GRM3: variants seen among roughly 807,000 people sequenced by gnomAD.
The protein encoded by GRM3 is metabotropic glutamate receptor 3.
In GRM3, 26 loss-of-function variants were observed where a neutral mutation model predicts 70.5. The ratio of observed to expected loss-of-function variants is 0.37; its 90% CI spans 0.27 to 0.51. The LOEUF is 0.51. GRM3 is among the 20% of genes least tolerant of loss of function. GRM3 has a pLI of 0.93. For missense variants in GRM3, 859 were observed against 1,123.8 expected (o/e 0.76, Z 3.37); for synonymous variants, 443 against 434.9 (o/e 1.02, Z -0.23).
chr7:86,771,432 T>A (rs1796737627), intron 2 of GRM3, among the ~76,000 whole-genome samples: 1 of 152,094 alleles, frequency 6.6e-6, no homozygotes, highest in African/African-American at 2.4e-5. Flanking sequence ...ATGCCATGAA[T>A]TAAGCATCTT....
chr7:86,835,328 C>T (rs1798435084), intron 3 of GRM3, among the ~76,000 whole-genome samples: 1 of 152,020 alleles, frequency 6.6e-6, no homozygotes, highest in Admixed American at 6.6e-5. Context: ...AATCCTAACT[C>T]ATACTTTAAA....
At chr7:86,685,100 A>G (rs964848352) in intron 1 of GRM3, among the ~76,000 whole-genome samples, 5 of 152,188 alleles carry the variant, frequency 3.3e-5, no homozygotes, top group Admixed American at 3.3e-4. Context: ...AAATATCTCA[A>G]TATCCTCATA....
At chr7:86,762,433 A>G (rs1280715993) in intron 1 of GRM3, among the ~76,000 whole-genome samples, 1 of 152,070 alleles carries the variant, frequency 6.6e-6, no homozygotes, top group Non-Finnish European at 1.5e-5. Context: ...GTAAGCAGAA[A>G]TCTGTGTTTT....
intron 1 of GRM3, among the ~76,000 whole-genome samples, chr7:86,663,470 CTG>C (rs1342926301): frequency 6.6e-6 from 1 of 151,906 alleles, no homozygotes; most frequent in Non-Finnish European, 1.5e-5. Context: ...TTGGAGGTAA[CTG>C]AGAAAACGGG....
At chr7:86,710,007 G>A (rs1012017530) in intron 1 of GRM3, 2 of 152,004 alleles carry the variant, frequency 1.3e-5, no homozygotes, top group Non-Finnish European at 2.9e-5. Flanking sequence ...ATTAAAAAAT[G>A]GAGCTAGCAT....
intron 1 of GRM3, among the ~76,000 whole-genome samples, chr7:86,725,418 G>A (rs1795568725): frequency 6.6e-6 from 1 of 152,104 alleles, no homozygotes. Flanking sequence ...CTTTTGATGT[G>A]ATACCTCAAG....
At chr7:86,771,725 TGA>T (rs1241694848) in intron 2 of GRM3, among the ~76,000 whole-genome samples, 1 of 152,008 alleles carries the variant, frequency 6.6e-6, no homozygotes, top group Non-Finnish European at 1.5e-5. Context: ...GTGTAGAATC[TGA>T]GTATCAATTG....
intron 3 of GRM3, among the ~76,000 whole-genome samples, chr7:86,836,498 A>G (rs901818274): frequency 6.6e-5 from 10 of 152,232 alleles, no homozygotes; most frequent in African/African-American, 2.4e-4. Context: ...TATACATTAC[A>G]AAACAATAGC....
chr7:86,843,577 TTAAATTGTG>T (rs1352126489), intron 4 of GRM3, among the ~76,000 whole-genome samples: 1 of 152,204 alleles, frequency 6.6e-6, no homozygotes, highest in Non-Finnish European at 1.5e-5. Context: ...AATACATAGC[TTAAATTGTG>T]TAAATAAAAA....
chr7:86,662,635 C>T (rs557196141), intron 1 of GRM3, among the ~76,000 whole-genome samples: 5 of 151,930 alleles, frequency 3.3e-5, no homozygotes, highest in South Asian at 2.1e-4. Context: ...TGTCAGTCAT[C>T]GGCTCAAACA....
intron 3 of GRM3, among the ~76,000 whole-genome samples, chr7:86,818,856 C>A (rs887113411): frequency 1.3e-5 from 2 of 152,098 alleles, no homozygotes; most frequent in African/African-American, 4.8e-5. Flanking sequence ...TCCAACAATG[C>A]CACACGATGT....
At chr7:86,776,648 C>A (rs1018782636) in intron 2 of GRM3, among the ~76,000 whole-genome samples, 3 of 152,100 alleles carry the variant, frequency 2.0e-5, no homozygotes, top group Non-Finnish European at 4.4e-5. Context: ...GGCCATATTT[C>A]TCATATTATT....
chr7:86,753,171 G>A (rs943058827), intron 1 of GRM3, among the ~76,000 whole-genome samples: 11 of 152,138 alleles, frequency 7.2e-5, no homozygotes, highest in Admixed American at 2.0e-4. Context: ...GGATCATTTG[G>A]AGAGTCCAGA....
rs548783664 is a variant in GRM3, at chr7:86,649,018, T to C, written c.-141+4146T>C. Among the ~76,000 whole-genome samples the C allele has an allele frequency of 2.8e-4, 42 of 152,282 alleles. No homozygotes were observed. In the South Asian group the frequency reaches 8.3e-3, roughly 30 times the overall value. On this transcript the variant is annotated intron_variant, in intron 1 of 5. Transcript: ENST00000361669. Reference sequence around the variant, plus strand: ...TCTAAAAACACCATTTAGTGCTATCTTACTGCTTGTTAAGCATTCGACGGT... The same window carrying C: ...TCTAAAAACACCATTTAGTGCTATCCTACTGCTTGTTAAGCATTCGACGGT...
intron 1 of GRM3, among the ~76,000 whole-genome samples, chr7:86,734,520 C>A (rs979990850): frequency 6.6e-5 from 10 of 152,216 alleles, no homozygotes; most frequent in Non-Finnish European, 1.5e-4. Flanking sequence ...TCTATTCAGA[C>A]ATGTTAGGGT....
At position 86,787,556 on chromosome 7, in the gene GRM3, CAG is replaced by C. The variant is rs71117519; in HGVS notation, c.1324+460_1324+461del. ...ATCTCATAACTTTCACAGTGGGTGA[CAG>C]AGAGAGAGAGAGAGAGAGAAGTCAC... On this transcript the variant is annotated intron_variant, in intron 3 of 5. Coordinates refer to ENST00000361669, the MANE Select transcript of GRM3 (RefSeq NM_000840.3). Among the ~76,000 whole-genome samples, 301 of 148,860 alleles carry C rather than the reference CAG, an allele frequency of 2.0e-3. 3 individuals carry two copies. The East Asian group carries it at 0.028, about 14-fold the overall frequency.
chr7:86,724,899 G>T (rs1795556409), intron 1 of GRM3, among the ~76,000 whole-genome samples: 2 of 152,092 alleles, frequency 1.3e-5, no homozygotes, highest in African/African-American at 4.8e-5. Flanking sequence ...ACTTCAGTTT[G>T]TGTGGTGGAG....
At chr7:86,864,009 A>T (rs534476933) in intron 5 of GRM3, among the ~76,000 whole-genome samples, 2 of 150,548 alleles carry the variant, frequency 1.3e-5, no homozygotes, top group East Asian at 1.9e-4. Context: ...TTTTTAATTT[A>T]ATTTTATTTT....
intron 3 of GRM3, among the ~76,000 whole-genome samples, chr7:86,835,257 G>T (rs1395962424): frequency 6.6e-6 from 1 of 151,980 alleles, no homozygotes; most frequent in African/African-American, 2.4e-5. Context: ...TTTAAAAGGT[G>T]TACGATATTT....
Sources: allele counts gnomAD v4.1 joint callset (sites outside exome capture counted in the v4.1 genomes callset), GRCh38; gene constraint gnomAD v4.1.1; transcripts MANE v1.5; gene names NCBI Gene and HGNC (gene_info 2026-07-23, HGNC 2026-07-21).